Variants in IL34 observed in about 807,000 individuals in gnomAD.
The protein encoded by IL34 is interleukin-34.
In IL34, 17 loss-of-function variants were observed where a neutral mutation model predicts 25.3. That is an observed-to-expected ratio of 0.67 (90% CI 0.46 to 1.01). The LOEUF is 1.01. Ranked by LOEUF, IL34 falls within the 50% of genes least tolerant of loss-of-function variation. The probability of loss-of-function intolerance (pLI) is 0.00; values close to 1 mark genes in which losing one functional copy is unlikely to be tolerated. For missense variants in IL34, 368 were observed against 312.9 expected, an observed-to-expected ratio of 1.18 and a Z score of -1.33; for synonymous variants, 174 against 140.9, an observed-to-expected ratio of 1.23 and a Z score of -1.66.
intron 1 of IL34, among the ~76,000 whole-genome samples, chr16:70,620,690 C>T (rs867470141): frequency 2.0e-5 from 3 of 151,688 alleles, no homozygotes; most frequent in Non-Finnish European, 4.4e-5. Context: ...TCAGGCACCT[C>T]AGACCTTCTG....
At chr16:70,618,169 G>A (rs148539116) in intron 1 of IL34, among the ~76,000 whole-genome samples, 15,003 of 151,942 alleles carry the variant, frequency 0.099, 2,136 homozygotes, top group African/African-American at 0.32. Context: ...CTAGTGGCTT[G>A]TACTATAGCA....
At chr16:70,638,334 C>A (rs894073124) in intron 1 of IL34, among the ~76,000 whole-genome samples, 2 of 151,976 alleles carry the variant, frequency 1.3e-5, no homozygotes, top group African/African-American at 4.8e-5. Flanking sequence ...TAAAACTTAG[C>A]TAGGCATGGT....
chr16:70,640,922 G>T (rs1201420921), intron 1 of IL34, among the ~76,000 whole-genome samples: 3 of 152,024 alleles, frequency 2.0e-5, no homozygotes, highest in Non-Finnish European at 4.4e-5. Context: ...TCCAGAAAAG[G>T]CTGAATGTAC....
chr16:70,651,878 C>A (rs944465231), intron 1 of IL34, among the ~76,000 whole-genome samples: 2 of 152,014 alleles, frequency 1.3e-5, no homozygotes, highest in Non-Finnish European at 2.9e-5. Flanking sequence ...GTAATCCCAG[C>A]ACTTTGGGAG....
At chr16:70,628,786 CTTTTTTTTT>C (rs71387533) in intron 1 of IL34, among the ~76,000 whole-genome samples, 5 of 115,174 alleles carry the variant, frequency 4.3e-5, no homozygotes, top group South Asian at 3.0e-4. Flanking sequence ...CACACCTGGT[CTTTTTTTTT>C]TTTTTTTTTT....
At chr16:70,643,283 C>G (rs746412317), upstream of IL34, among the ~76,000 whole-genome samples, 7 of 152,152 alleles carry the variant, frequency 4.6e-5, no homozygotes, top group Non-Finnish European at 1.0e-4. Context: ...AGGCTGGTCT[C>G]GAATCCCTGA....
chr16:70,651,803 A>G (rs889286648), intron 1 of IL34, among the ~76,000 whole-genome samples: 3 of 151,858 alleles, frequency 2.0e-5, no homozygotes, highest in Non-Finnish European at 4.4e-5. Flanking sequence ...TTTTGTCTGT[A>G]ACAATAATAC....
At chr16:70,590,419 G>A (rs2050739334) in intron 1 of IL34, among the ~76,000 whole-genome samples, 1 of 152,224 alleles carries the variant, frequency 6.6e-6, no homozygotes, top group African/African-American at 2.4e-5. Flanking sequence ...GTGCCTGTGC[G>A]AGGTGGGGGT....
intron 1 of IL34, among the ~76,000 whole-genome samples, chr16:70,586,513 G>A (rs939048609): frequency 6.6e-6 from 1 of 152,090 alleles, no homozygotes. Flanking sequence ...CTGTGTTCGC[G>A]CCACTGCACT....
intron 2 of IL34, among the ~76,000 whole-genome samples, chr16:70,655,184 C>G (rs183188226): frequency 1.2e-4 from 18 of 151,762 alleles, no homozygotes; most frequent in Non-Finnish European, 4.4e-5. Context: ...TCCCGAGTAG[C>G]TGGGACTACA....
At chr16:70,590,774 C>A (rs1237797553) in intron 1 of IL34, among the ~76,000 whole-genome samples, 1 of 152,188 alleles carries the variant, frequency 6.6e-6, no homozygotes, top group East Asian at 1.9e-4. Flanking sequence ...CCCAGGCAGT[C>A]CGGCTTGAGC....
At chr16:70,605,968 GGT>G (rs1491118938) in intron 1 of IL34, among the ~76,000 whole-genome samples, 6 of 123,698 alleles carry the variant, frequency 4.9e-5, no homozygotes, top group African/African-American at 1.4e-4. Flanking sequence ...CACCGCACCT[GGT>G]TTTTTTTTTT....
intron 1 of IL34, among the ~76,000 whole-genome samples, chr16:70,618,021 C>T (rs911422073): frequency 6.6e-6 from 1 of 152,086 alleles, no homozygotes; most frequent in Non-Finnish European, 1.5e-5. Context: ...GCAAATCCTC[C>T]AGCTTGATGT....
chr16:70,612,043 C>G (rs1393467282), intron 1 of IL34, among the ~76,000 whole-genome samples: 8 of 152,098 alleles, frequency 5.3e-5, no homozygotes, highest in Non-Finnish European at 7.4e-5. Flanking sequence ...TAAAAGATAG[C>G]CTTCTGTCTT....
chr16:70,616,744 C>A (rs1036823364), intron 1 of IL34, among the ~76,000 whole-genome samples: 1 of 152,046 alleles, frequency 6.6e-6, no homozygotes, highest in African/African-American at 2.4e-5. Flanking sequence ...GGGGAGATTA[C>A]AAAGTACATT....
intron 4 of IL34, 99 bp downstream of exon 4, chr16:70,657,220 A>G: frequency 7.9e-7 from 1 of 1,272,378 alleles, no homozygotes; most frequent in South Asian, 1.4e-5. Context: ...GAAAGGGTGA[A>G]TACACGGAAA....
chr16:70,587,070 AG>A lies in IL34; in HGVS notation c.-401+7026del, dbSNP rs1324330508. 3.3e-5 allele frequency among the ~76,000 whole-genome samples: 5 copies of A among 152,222 alleles called. 1 individual carries two copies. The highest frequency in any genetic ancestry group is 3.3e-4 in the Admixed American group (5 of 15,296). The stretch of plus-strand genomic sequence containing the variant: ...AGCTAGTGTCAGGGTCAAGTAGGTC[AG>A]GGGGATCCAGGGGCTGGGGTTAGTC... On this transcript the variant is annotated intron_variant, in intron 1 of 6. Coordinates refer to the IL34 transcript ENST00000429149.
intron 3 of IL34, 39 bp downstream of exon 3, chr16:70,656,718 T>C: frequency 1.9e-6 from 2 of 1,043,326 alleles, no homozygotes; most frequent in Non-Finnish European, 3.0e-6. Context: ...CCCTGCCTCC[T>C]GCGACATCCG....
Position 70,646,798 on chromosome 16 carries a change from C to G in IL34, c.-150C>G. The G allele has an allele frequency of 1.5e-6, 1 of 689,650 alleles. No homozygotes were observed. Among genetic ancestry groups the G allele is most frequent in the Non-Finnish European group, 2.3e-6 (1 of 440,194 alleles). The allele number at this position is 689,650 out of a possible 1,614,324, so 42.7% of individuals were successfully genotyped here. A position where few individuals can be genotyped will look rare whatever the true frequency, so the allele number is the denominator to read the frequency against. On this transcript the variant is annotated 5_prime_UTR_variant, in exon 1 of 6. Coordinates refer to ENST00000288098, the MANE Select transcript of IL34 (RefSeq NM_001393494.1). ...GCTGCCCTTGGGGCACCTGCTCACT[C>G]CCGCAGCCCAGCCACTCCTCCAGGG...
Sources: gnomAD v4.1 joint callset for allele counts (sites outside exome capture counted in the v4.1 genomes callset) on GRCh38, gnomAD v4.1.1 for gene constraint, MANE v1.5 for transcripts, NCBI Gene and HGNC (gene_info 2026-07-23, HGNC 2026-07-21) for gene names.